The following MEFV variants were observed in gnomAD, a reference collection of about 807,000 sequenced individuals.
MEFV encodes the protein pyrin.
A neutral mutation model predicts 62.5 loss-of-function variants in MEFV; 60 were observed. The ratio of observed to expected loss-of-function variants is 0.96; its 90% CI spans 0.78 to 1.19. The LOEUF is 1.19. Among genes scored for constraint, MEFV ranks in the 50% most tolerant of loss-of-function variants. The pLI is 0.00. For synonymous variants in MEFV, 500 were observed against 415.2 expected, an observed-to-expected ratio of 1.20 and a Z score of -2.48; for missense variants, 1,169 against 1,004.5, an observed-to-expected ratio of 1.16 and a Z score of -2.21.
chr16:3,255,994 G>T (rs1316082538), intron 1 of MEFV, among the ~76,000 whole-genome samples: 2 of 151,986 alleles, frequency 1.3e-5, no homozygotes, highest in Non-Finnish European at 2.9e-5. Context: ...TGCTAACCTA[G>T]AGATGTTTGT....
chr16:3,254,521 G>A lies in MEFV; in HGVS notation c.547C>T (p.Pro183Ser), dbSNP rs202196752. 7.1e-6 allele frequency: 11 copies of A among 1,555,152 alleles called. No homozygotes were observed. The highest frequency in any genetic ancestry group is 2.7e-5 in the African/African-American group (2 of 73,530). Reference protein sequence around the residue: ...GKPRTRSPALPGGRSPGPCRA... With the variant: ...GKPRTRSPALSGGRSPGPCRA... ...CAGGGGCCGGGGCTTCTCCCGCCCG[G>A]CAGGGCCGGGCTCCGGGTCCGAGGC... is the stretch of plus-strand genomic sequence containing the variant. The change falls in exon 2 of 10, where the codon CCG becomes TCG. Residue 183 changes from proline (P) to serine (S), a missense_variant. Coordinates refer to ENST00000219596, the MANE Select transcript of MEFV (RefSeq NM_000243.3).
At chr16:3,253,562 G>A (rs111980327) in intron 2 of MEFV, among the ~76,000 whole-genome samples, 2,818 of 152,164 alleles carry the variant, frequency 0.019, 85 homozygotes, top group African/African-American at 0.062. Context: ...TGCCCAGGCC[G>A]GAGTGCAGTG....
In MEFV at chr16:3,242,969, T is replaced by A. The variant is rs991883184; in HGVS notation, c.*172A>T. The A allele has an allele frequency of 4.3e-5, 30 of 705,298 alleles. No individual in the cohort carries two copies. The African/African-American group carries it at 5.1e-4, about 12-fold the overall frequency. The allele number at this position is 705,298 out of a possible 1,614,324, so 43.7% of individuals were successfully genotyped here. The stretch of plus-strand genomic sequence containing the variant: ...GTCTTCACCCGGATTGACTAACATG[T>A]TCGTTCCTAACTTACCTCTGCTATA... On this transcript the variant is annotated 3_prime_UTR_variant, in exon 10 of 10. Transcript: ENST00000219596.
chr16:3,250,578 G>A (rs982535350), intron 2 of MEFV, among the ~76,000 whole-genome samples: 3 of 151,830 alleles, frequency 2.0e-5, no homozygotes, highest in Admixed American at 2.0e-4. Flanking sequence ...GGGCAACAGA[G>A]TAAGATGCCA....
Position 3,254,273 on chromosome 16 carries a change from T to C in MEFV, c.795A>G (p.Glu265=). The change falls in exon 2 of 10, where the codon GAA becomes GAG. Residue 265 remains glutamate (E), a synonymous_variant. Coordinates refer to ENST00000219596, the MANE Select transcript of MEFV (RefSeq NM_000243.3). ...CCGAGTCCAGATTCGCAGCTGTCTTTTCCTCTAGAGTCAGGAGAATTTCTG... is the reference window on the plus strand; with the variant it reads ...CCGAGTCCAGATTCGCAGCTGTCTTCTCCTCTAGAGTCAGGAGAATTTCTG... ...ANPEILLTLE[E]KTAANLDSAT... 6.2e-7 allele frequency: 1 copy of C among 1,614,236 alleles called. No homozygotes were observed. Among genetic ancestry groups the C allele is most frequent in the Non-Finnish European group, 8.5e-7 (1 of 1,180,032 alleles).
rs104895211 is a variant in MEFV at position 3,254,553 on chromosome 16, T to G, written c.515A>C (p.Gln172Pro). 10 of 1,559,606 alleles carry G rather than the reference T, an allele frequency of 6.4e-6. No homozygotes were observed. In the Middle Eastern group the frequency reaches 8.2e-4, roughly 128 times the overall value. ...REKASEGLDAQGKPRTRSPAL... is the reference protein window; with the variant it reads ...REKASEGLDAPGKPRTRSPAL... ...CGGGCTCCGGGTCCGAGGCTTGCCC[T>G]GCGCGTCCAGGCCCTCCGAGGCCTT... Residue 172 changes from glutamine (Q) to proline (P), a missense_variant, in exon 2 of 10, where the codon CAG (glutamine) becomes CCG (proline). Transcript: ENST00000219596.
rs104895189 is a variant in MEFV, at chr16:3,249,802, A to C, written c.911-22T>G. 2.5e-6 allele frequency: 4 copies of C among 1,603,570 alleles called. No individual in the cohort carries two copies. The highest frequency in any genetic ancestry group is 3.3e-4 in the Middle Eastern group (2 of 6,040). ...CTTCCTGGGGACATGCAGTGGAAAA[A>C]CCCCCTGAATGGCAAACCCAAGTTG... On this transcript the variant is annotated intron_variant, in intron 2 of 9. Coordinates refer to ENST00000219596, the MANE Select transcript of MEFV (RefSeq NM_000243.3).
At position 3,248,672 on chromosome 16, in the gene MEFV, T is replaced by TGG. The variant is rs1443940204; in HGVS notation, c.1356+236_1356+237insCC. 135 of 1,316,032 alleles carry TGG rather than the reference T, an allele frequency of 1.0e-4. No individual in the cohort carries two copies. The East Asian group carries it at 3.7e-3, about 36-fold the overall frequency. The allele number at this position is 1,316,032 out of a possible 1,614,324, so 81.5% of individuals were successfully genotyped here. Reference sequence around the variant, plus strand: ...CACCGGCATAGGTTGCTCTCTACCATCTTCTGGTGAGTATGAGAAAGCATG... The same window carrying TGG: ...CACCGGCATAGGTTGCTCTCTACCATGGCTTCTGGTGAGTATGAGAAAGCATG... On this transcript the variant is annotated intron_variant, in intron 4 of 9. Transcript: ENST00000219596.
Position 3,256,354 on chromosome 16 carries a change from G to C in MEFV, c.234C>G (p.Asn78Lys), listed in dbSNP as rs755372668. ...GGAGCTCCTCGGCCAGCAGGCGCTG[G>C]TTGATGGCCCGCAGGACCTGCAGGG... ...QLTLQVLRAINQRLLAEELHR... is the reference protein window; with the variant it reads ...QLTLQVLRAIKQRLLAEELHR... Residue 78 changes from asparagine to lysine, a missense_variant, in exon 1 of 10, where the codon AAC becomes AAG. Coordinates refer to ENST00000219596, the MANE Select transcript of MEFV (RefSeq NM_000243.3). The C allele has an allele frequency of 2.5e-6, 4 of 1,614,010 alleles. No individual in the cohort carries two copies. In the East Asian group the frequency reaches 6.7e-5, roughly 27 times the overall value.
intron 8 of MEFV, 172 bp downstream of exon 8, chr16:3,244,082 C>CA: frequency 6.4e-7 from 1 of 1,551,776 alleles, no homozygotes; most frequent in Non-Finnish European, 8.7e-7. Flanking sequence ...TGAGTCAACT[C>CA]AGTCAATGAG....
rs104895123 is a variant in MEFV at position 3,254,265 on chromosome 16, G to T, written c.803C>A (p.Ala268Asp). The change falls in exon 2 of 10, where the codon GCT becomes GAT. Residue 268 changes from alanine to aspartate, a missense_variant. Transcript: ENST00000219596. ...TTCTGTTGCCGAGTCCAGATTCGCA[G>T]CTGTCTTTTCCTCTAGAGTCAGGAG... ...EILLTLEEKT[A>D]ANLDSATEPR... 4 of 1,614,148 alleles carry T rather than the reference G, an allele frequency of 2.5e-6. No homozygotes were observed. In the African/African-American group the frequency reaches 5.3e-5, roughly 22 times the overall value.
chr16:3,248,748 A>C (rs917563172), intron 4 of MEFV, 161 bp downstream of exon 4: 1 of 985,364 alleles, frequency 1.0e-6, no homozygotes, highest in Non-Finnish European at 1.2e-6. Flanking sequence ...CTCCCTCTAC[A>C]GGGATGAGCT....
chr16:3,251,995 T>C (rs1161886785), intron 2 of MEFV: 2 of 429,896 alleles, frequency 4.7e-6, no homozygotes, highest in Admixed American at 2.4e-5. Flanking sequence ...GATGGGAGGA[T>C]TGTTTGAGAT....
chr16:3,244,065 G>C (rs1188683274), intron 8 of MEFV, 173 bp from the exon 9 acceptor site: 1 of 1,551,472 alleles, frequency 6.4e-7, no homozygotes, highest in Non-Finnish European at 8.7e-7. Flanking sequence ...TGGGGACTGT[G>C]GTCTAATGAG....
chr16:3,248,770 G>A, intron 4 of MEFV, 139 bp downstream of exon 4: 2 of 1,570,548 alleles, frequency 1.3e-6, no homozygotes, highest in Non-Finnish European at 8.6e-7. Context: ...ACCCTTGGCT[G>A]CTGGTTACCC....
intron 2 of MEFV, among the ~76,000 whole-genome samples, chr16:3,251,686 T>A (rs1285783050): frequency 6.6e-6 from 1 of 152,242 alleles, no homozygotes; most frequent in East Asian, 1.9e-4. Context: ...AACCCCATGA[T>A]GATGCATTGC....
chr16:3,243,886 T>C lies in MEFV; in HGVS notation c.1766A>G (p.Glu589Gly). 6.2e-7 allele frequency: 1 copy of C among 1,613,868 alleles called. No homozygotes were observed. Among genetic ancestry groups the C allele is most frequent in the Non-Finnish European group, 8.5e-7 (1 of 1,179,996 alleles). Residue 589 changes from glutamate (E) to glycine (G), a missense_variant, in exon 9 of 10, where the codon GAG becomes GGG. Physicochemically the swap from Glu to Gly is moderately conservative, Grantham distance 98 (BLOSUM62 -2). Transcript: ENST00000219596. ...RSEMEMFNVP[E>G]LIGAQAHAVN... ...AGCATGTGCCTGAGCGCCAATCAGC[T>C]CCGGAACTACGGAGAAAAATCAGAT... is the stretch of plus-strand genomic sequence containing the variant.
chr16:3,248,128 A>G (rs1210343360), intron 4 of MEFV, among the ~76,000 whole-genome samples: 1 of 151,872 alleles, frequency 6.6e-6, no homozygotes, highest in Non-Finnish European at 1.5e-5. Flanking sequence ...GCGCGGTGGC[A>G]GGCGCCTGTA....
In MEFV at chr16:3,243,512, C is replaced by A. The variant is rs104895212; in HGVS notation, c.1975G>T (p.Val659Phe). 1 of 1,614,050 alleles carries A rather than the reference C, an allele frequency of 6.2e-7. No homozygotes were observed. Among genetic ancestry groups the A allele is most frequent in the Non-Finnish European group, 8.5e-7 (1 of 1,179,978 alleles). Residue 659 changes from valine (V) to phenylalanine (F), a missense_variant, in exon 10 of 10, where the codon GTT becomes TTT. By Grantham distance (50) the Val-to-Phe change is conservative. Coordinates refer to ENST00000219596, the MANE Select transcript of MEFV (RefSeq NM_000243.3). ...LSGRRYWEVE[V>F]GDKTAWILGA... Reference sequence around the variant, plus strand: ...AGGATCCATGCTGTCTTGTCTCCAACCTCCACCTCCCAGTAACGGCGGCCA... The same window carrying A: ...AGGATCCATGCTGTCTTGTCTCCAAACTCCACCTCCCAGTAACGGCGGCCA...
Sources: gnomAD v4.1 joint callset for allele counts (sites outside exome capture counted in the v4.1 genomes callset) on GRCh38, gnomAD v4.1.1 for gene constraint, MANE v1.5 for transcripts, NCBI Gene and HGNC (gene_info 2026-07-23, HGNC 2026-07-21) for gene names.